ABTB2: variants seen among roughly 807,000 people sequenced by gnomAD.
The protein encoded by ABTB2 is ankyrin repeat and BTB domain containing 2, also known as ankyrin repeat and BTB/POZ domain-containing protein 2.
ABTB2 carries 56 observed loss-of-function variants against 104.1 expected under a neutral mutation model. That is an observed-to-expected ratio of 0.54 (90% CI 0.43 to 0.67). ABTB2 has a LOEUF of 0.67. Among genes scored for constraint, ABTB2 ranks in the 30% least tolerant of loss-of-function variants. The pLI, the probability that ABTB2 is intolerant of heterozygous loss-of-function variation, is 0.00. For missense variants in ABTB2, 1,279 were observed against 1,407.7 expected, an observed-to-expected ratio of 0.91 and a Z score of 1.46; for synonymous variants, 606 against 608.2, an observed-to-expected ratio of 1.00 and a Z score of 0.05.
chr11:34,162,940 T>TGGAGGAGGAAGA, intron 9 of ABTB2, 135 bp from the exon 10 acceptor site: 2 of 831,564 alleles, frequency 2.4e-6, no homozygotes, highest in Non-Finnish European at 3.7e-6. Context: ...ATGGTCTTCC[T>TGGAGGAGGAAGA]CCTCCAGGCA....
At chr11:34,335,694 T>C in intron 1 of ABTB2, 1 of 1,391,410 alleles carries the variant, frequency 7.2e-7, no homozygotes. Context: ...ATAAAGTTTC[T>C]GCTAGAACAT....
intron 1 of ABTB2, among the ~76,000 whole-genome samples, chr11:34,275,088 C>T (rs1395273829): frequency 6.6e-6 from 1 of 152,212 alleles, no homozygotes; most frequent in Non-Finnish European, 1.5e-5. Context: ...TGCATCTTGA[C>T]TATTTCTGAG....
chr11:34,229,121 G>GGAAAAA lies in ABTB2; in HGVS notation c.884-24432_884-24431insTTTTTC, dbSNP rs1554984674. Among the ~76,000 whole-genome samples, 511 of 103,778 alleles carry GGAAAAA rather than the reference G, an allele frequency of 4.9e-3. 12 individuals are homozygous for GGAAAAA. Among genetic ancestry groups the GGAAAAA allele is most frequent in the Non-Finnish European group, 6.3e-3 (336 of 53,610 alleles). The allele number at this position is 103,778 out of a possible 152,430, so 68.1% of individuals were successfully genotyped here. A position where few individuals can be genotyped will look rare whatever the true frequency, so the allele number is the denominator to read the frequency against. ...GGAGACAGAGCAAGACTCCGTCTTG[G>GGAAAAA]AAAAAAAAAAAAAAGAGAAAAAAGA... On this transcript the variant is annotated intron_variant, in intron 1 of 16. Coordinates refer to ENST00000435224, the MANE Select transcript of ABTB2 (RefSeq NM_145804.3).
rs200425669 is a variant in ABTB2, at chr11:34,351,942, A to AT, written c.883+4758dup. Among the ~76,000 whole-genome samples the AT allele has an allele frequency of 7.2e-3, 1,073 of 149,126 alleles. 9 individuals are homozygous for AT. The highest frequency in any genetic ancestry group is 0.026 in the African/African-American group (1,007 of 39,406). On this transcript the variant is annotated intron_variant, in intron 1 of 16. Coordinates refer to ENST00000435224, the MANE Select transcript of ABTB2 (RefSeq NM_145804.3). ...TTTCTCAGGCGTGCGAGAAAAAAAA[A>AT]TTTTTCATTTCCAAAGCTTGCTCTG...
chr11:34,151,843 T>TGTCAA lies in ABTB2; in HGVS notation c.*539_*543dup, dbSNP rs1852544617. 1 of 154,134 alleles carries TGTCAA rather than the reference T, an allele frequency of 6.5e-6. No individual in the cohort carries two copies. Among genetic ancestry groups the TGTCAA allele is most frequent in the African/African-American group, 2.4e-5 (1 of 41,460 alleles). The allele number at this position is 154,134 out of a possible 1,614,324, so 9.5% of individuals were successfully genotyped here. On this transcript the variant is annotated 3_prime_UTR_variant, in exon 17 of 17. Transcript: ENST00000435224. ...GGCCACTGGATGCCCACATTAAGCC[T>TGTCAA]GTCAAACCTTTGAAGAACAAGTTTG...
chr11:34,209,103 T>C (rs749734300), intron 1 of ABTB2, among the ~76,000 whole-genome samples: 10 of 152,140 alleles, frequency 6.6e-5, no homozygotes, highest in Non-Finnish European at 1.5e-4. Context: ...TCCAGCACTT[T>C]GGGAGGCAGA....
chr11:34,236,184 G>A (rs1853840739), intron 1 of ABTB2, among the ~76,000 whole-genome samples: 1 of 151,704 alleles, frequency 6.6e-6, no homozygotes, highest in East Asian at 1.9e-4. Flanking sequence ...AAAGAGGAGG[G>A]GAGAAAAAGT....
intron 1 of ABTB2, among the ~76,000 whole-genome samples, chr11:34,219,756 A>G (rs1282445997): frequency 6.6e-6 from 1 of 152,166 alleles, no homozygotes; most frequent in African/African-American, 2.4e-5. Context: ...GGTGTGTAGG[A>G]AGCTATACCA....
chr11:34,152,095 G>A lies in ABTB2; in HGVS notation c.*292C>T, dbSNP rs772444695. ...GATCAGGATCAGCTGCTGACCTGCA[G>A]GAGGGGAGAGCGACACCCCGGGGGA... is the stretch of plus-strand genomic sequence containing the variant. On this transcript the variant is annotated 3_prime_UTR_variant, in exon 17 of 17. Coordinates refer to ENST00000435224, the MANE Select transcript of ABTB2 (RefSeq NM_145804.3). The A allele has an allele frequency of 1.4e-5, 6 of 423,812 alleles. No individual in the cohort carries two copies. Among genetic ancestry groups the A allele is most frequent in the Admixed American group, 3.7e-5 (1 of 26,812 alleles). 26.3% of individuals were successfully genotyped at this position (423,812 alleles called of 1,614,324 possible). A position where few individuals can be genotyped will look rare whatever the true frequency, so the allele number is the denominator to read the frequency against.
At chr11:34,346,703 C>T (rs980411765) in intron 1 of ABTB2, among the ~76,000 whole-genome samples, 3 of 152,084 alleles carry the variant, frequency 2.0e-5, no homozygotes, top group African/African-American at 7.2e-5. Flanking sequence ...CTAGTCTGAC[C>T]TCTCCACACC....
At position 34,167,932 on chromosome 11, in the gene ABTB2, T is replaced by A; in HGVS notation, c.1624A>T (p.Ile542Phe). ...AGDEAMVQML[I>F]DAGANLDIQV... ...ATGTCCAAGTTTGCCCCAGCATCAA[T>A]CAACATCTGGACCATCGCTTCGTCC... is the stretch of plus-strand genomic sequence containing the variant. The change falls in exon 6 of 17, where the codon ATT (isoleucine) becomes TTT (phenylalanine). Residue 542 changes from isoleucine (I) to phenylalanine (F), a missense_variant. Physicochemically the swap from Ile to Phe is conservative, Grantham distance 21. Coordinates refer to ENST00000435224, the MANE Select transcript of ABTB2 (RefSeq NM_145804.3). 1.9e-6 allele frequency: 3 copies of A among 1,614,230 alleles called. No individual in the cohort carries two copies. The highest frequency in any genetic ancestry group is 2.5e-6 in the Non-Finnish European group (3 of 1,180,046).
intron 1 of ABTB2, among the ~76,000 whole-genome samples, chr11:34,263,560 T>C (rs1854214055): frequency 6.6e-6 from 1 of 152,148 alleles, no homozygotes; most frequent in Non-Finnish European, 1.5e-5. Flanking sequence ...CTTATCTGGA[T>C]TGGAAGTGCT....
chr11:34,312,915 T>G (rs1854875722), intron 1 of ABTB2, among the ~76,000 whole-genome samples: 1 of 152,218 alleles, frequency 6.6e-6, no homozygotes, highest in African/African-American at 2.4e-5. Context: ...TAACTTGTGT[T>G]AGGTTACAAA....
At chr11:34,313,123 T>A (rs541796591) in intron 1 of ABTB2, among the ~76,000 whole-genome samples, 45 of 152,254 alleles carry the variant, frequency 3.0e-4, no homozygotes, top group Non-Finnish European at 5.4e-4. Context: ...AATAGCTCAC[T>A]GTCAGTGGAA....
rs151261641 is a variant in ABTB2, at chr11:34,180,999, G to A, written c.1245-7692C>T. On this transcript the variant is annotated intron_variant, in intron 3 of 16. Transcript: ENST00000435224. ...AGCTCACTGCAACCTCCGCCTCCCTGGTGCAAGCGATTCTTCTGCCTCAGC... is the reference window on the plus strand; with the variant it reads ...AGCTCACTGCAACCTCCGCCTCCCTAGTGCAAGCGATTCTTCTGCCTCAGC... Among the ~76,000 whole-genome samples the A allele has an allele frequency of 4.8e-3, 738 of 152,294 alleles. 9 individuals are homozygous for A. Among genetic ancestry groups the A allele is most frequent in the African/African-American group, 0.017 (703 of 41,548 alleles).
chr11:34,318,703 G>C (rs1431886004), intron 1 of ABTB2, among the ~76,000 whole-genome samples: 1 of 152,202 alleles, frequency 6.6e-6, no homozygotes, highest in Non-Finnish European at 1.5e-5. Flanking sequence ...CAGAGTCCAA[G>C]AGTCCAGAGG....
intron 1 of ABTB2, among the ~76,000 whole-genome samples, chr11:34,255,578 A>G (rs1565152389): frequency 1.3e-5 from 2 of 151,978 alleles, no homozygotes. Context: ...CTGCAACCTC[A>G]AGCGATTTCA....
chr11:34,294,342 A>G (rs982965923), intron 1 of ABTB2, among the ~76,000 whole-genome samples: 8 of 152,186 alleles, frequency 5.3e-5, no homozygotes, highest in Non-Finnish European at 1.0e-4. Context: ...AAGAAAAGAG[A>G]GAGATCAAGA....
chr11:34,165,998 G>A (rs1852795386), intron 7 of ABTB2, among the ~76,000 whole-genome samples: 2 of 152,218 alleles, frequency 1.3e-5, no homozygotes, highest in African/African-American at 4.8e-5. Context: ...GACAGACGGG[G>A]CAGGGTTAAC....
Sources: allele counts gnomAD v4.1 joint callset (sites outside exome capture counted in the v4.1 genomes callset), GRCh38; gene constraint gnomAD v4.1.1; transcripts MANE v1.5; gene names NCBI Gene and HGNC (gene_info 2026-07-23, HGNC 2026-07-21).